The following ADGRB1 variants were observed in gnomAD, a reference collection of about 807,000 sequenced individuals.
ADGRB1 encodes the protein adhesion G protein-coupled receptor B1, also known as brain-specific angiogenesis inhibitor 1.
ADGRB1 carries 36 observed loss-of-function variants against 175.7 expected under a neutral mutation model. The ratio of observed to expected loss-of-function variants is 0.20; its 90% CI spans 0.16 to 0.27. The LOEUF (loss-of-function observed/expected upper bound fraction) is 0.27. Ranked by LOEUF, ADGRB1 falls within the 10% of genes least tolerant of loss-of-function variation. The pLI, the probability that ADGRB1 is intolerant of heterozygous loss-of-function variation, is 1.00. For missense variants in ADGRB1, 1,731 were observed against 2,255.3 expected, an observed-to-expected ratio of 0.77 and a Z score of 4.71; for synonymous variants, 1,054 against 979.4, an observed-to-expected ratio of 1.08 and a Z score of -1.42.
At position 142,510,232 on chromosome 8, in the gene ADGRB1, TC is replaced by T. The variant is rs1843011198; in HGVS notation, c.2676-699del. Among the ~76,000 whole-genome samples, 1 of 151,962 alleles carries T rather than the reference TC, an allele frequency of 6.6e-6. No homozygotes were observed. The highest frequency in any genetic ancestry group is 1.5e-5 in the Non-Finnish European group (1 of 67,968). On this transcript the variant is annotated intron_variant, in intron 17 of 30. Coordinates refer to ENST00000517894, the MANE Select transcript of ADGRB1 (RefSeq NM_001702.3). The surrounding 1 kb of genome is among the most constrained non-coding windows in gnomAD (Gnocchi z 6.3). ...CGTGCTCAGATGAAAAGCGGGGCAGTCGCGGCCCGTAGACAGCGGGCGGCTG... is the reference window on the plus strand; with the variant it reads ...CGTGCTCAGATGAAAAGCGGGGCAGTGCGGCCCGTAGACAGCGGGCGGCTG...
At chr8:142,469,597 G>A (rs376418313) in intron 2 of ADGRB1, among the ~76,000 whole-genome samples, 87 of 144,090 alleles carry the variant, frequency 6.0e-4, no homozygotes, top group African/African-American at 2.1e-3. Context: ...GAATGTGTGT[G>A]TGCACGTGCA....
At chr8:142,489,162 C>T in intron 15 of ADGRB1, 52 bp downstream of exon 15, 1 of 1,550,496 alleles carries the variant, frequency 6.4e-7, no homozygotes, top group Non-Finnish European at 8.7e-7. Context: ...GTGGGGTGGG[C>T]AGGACCCCAG....
At chr8:142,533,942 A>G (rs1462762141) in intron 25 of ADGRB1, among the ~76,000 whole-genome samples, 2 of 152,180 alleles carry the variant, frequency 1.3e-5, no homozygotes, top group African/African-American at 4.8e-5. Flanking sequence ...GGAATGTGGG[A>G]AAGCATGCAT....
At chr8:142,527,343 G>A (rs1844267319) in intron 24 of ADGRB1, among the ~76,000 whole-genome samples, 1 of 152,130 alleles carries the variant, frequency 6.6e-6, no homozygotes, top group South Asian at 2.1e-4. Flanking sequence ...TGTCTGCGTG[G>A]GCCCCTCCCC....
Position 142,505,987 on chromosome 8 carries a change from G to A in ADGRB1, c.2676-4945G>A, listed in dbSNP as rs562300010. Among the ~76,000 whole-genome samples the A allele has an allele frequency of 1.6e-3, 243 of 152,300 alleles. 1 individual carries two copies. Among genetic ancestry groups the A allele is most frequent in the African/African-American group, 5.6e-3 (231 of 41,566 alleles). ...GGCCGTGCCCTCCCCATTCATTCACGCGCAGGCGTCCTGGCTGTGCGCCCT... is the reference window on the plus strand; with the variant it reads ...GGCCGTGCCCTCCCCATTCATTCACACGCAGGCGTCCTGGCTGTGCGCCCT... On this transcript the variant is annotated intron_variant, in intron 17 of 30. Coordinates refer to ENST00000517894, the MANE Select transcript of ADGRB1 (RefSeq NM_001702.3).
chr8:142,537,092 A>G lies in ADGRB1; in HGVS notation c.3666+10A>G, dbSNP rs374674214. ...CCACGCCCAGCTCATGGTAGGACTC[A>G]GGGCCCGGGGACTCAGGCTGCCCTA... is the stretch of plus-strand genomic sequence containing the variant. On this transcript the variant is annotated intron_variant, in intron 26 of 30. Transcript: ENST00000517894. The surrounding 1 kb of genome is among the most constrained non-coding windows in gnomAD (Gnocchi z 4.6). The G allele has an allele frequency of 6.7e-7, 1 of 1,498,034 alleles. No homozygotes were observed. Among genetic ancestry groups the G allele is most frequent in the South Asian group, 1.3e-5 (1 of 74,536 alleles). 92.8% of individuals were successfully genotyped at this position (1,498,034 alleles called of 1,614,324 possible). A position where few individuals can be genotyped will look rare whatever the true frequency, so the allele number is the denominator to read the frequency against.
In ADGRB1 at chr8:142,481,606, C is replaced by T. The variant is rs367986539; in HGVS notation, c.2025C>T (p.Asp675=). The T allele has an allele frequency of 4.2e-5, 67 of 1,604,546 alleles. No individual in the cohort carries two copies. Among genetic ancestry groups the T allele is most frequent in the East Asian group, 2.5e-4 (11 of 44,566 alleles). Residue 675 remains aspartate (D), a synonymous_variant, in exon 11 of 31, where the codon GAC becomes GAT. Coordinates refer to ENST00000517894, the MANE Select transcript of ADGRB1 (RefSeq NM_001702.3). Reference sequence around the variant, plus strand: ...AGACACTGGTGGAGATCTCTCAGGACGGGACCAGCTACAGTGGGGACCTGC... The same window carrying T: ...AGACACTGGTGGAGATCTCTCAGGATGGGACCAGCTACAGTGGGGACCTGC... The part of the protein sequence containing the change: ...VIQTLVEISQ[D]GTSYSGDLLS...
At position 142,524,258 on chromosome 8, in the gene ADGRB1, G is replaced by C; in HGVS notation, c.3266G>C (p.Gly1089Ala). The C allele has an allele frequency of 6.2e-7, 1 of 1,600,676 alleles. No individual in the cohort carries two copies. Among genetic ancestry groups the C allele is most frequent in the South Asian group, 1.1e-5 (1 of 90,384 alleles). The change falls in exon 23 of 31, where the codon GGG becomes GCG. Residue 1089 changes from glycine to alanine, a missense_variant. Gly to Ala is a moderately conservative substitution (Grantham distance 60). Transcript: ENST00000517894. ...TMNYCWLSLE[G>A]GLLYAFVGPA... The stretch of plus-strand genomic sequence containing the variant: ...CCCAGCTGCTGGCTCTCCCTGGAGG[G>C]GGGACTGCTCTATGCCTTCGTGGGA...
chr8:142,514,021 G>A (rs1021795088), intron 18 of ADGRB1, among the ~76,000 whole-genome samples: 5 of 151,932 alleles, frequency 3.3e-5, no homozygotes, highest in South Asian at 2.1e-4. Flanking sequence ...AGTGAGGAGC[G>A]TGAGCCCAGC....
Position 142,479,474 on chromosome 8 carries a change from C to T in ADGRB1, c.1713C>T (p.Thr571=). 1.3e-6 allele frequency: 2 copies of T among 1,549,564 alleles called. No homozygotes were observed. The highest frequency in any genetic ancestry group is 1.7e-6 in the Non-Finnish European group (2 of 1,154,414). Residue 571 remains threonine (T), a synonymous_variant, in exon 8 of 31, where the codon ACC becomes ACT. Transcript: ENST00000517894. ...AGGATGAGTACCGGCAGTGCGGCAC[C>T]CAGCGGTGTCCCGGTGAGGCCCCTC... The part of the protein sequence containing the change: ...GPQDEYRQCG[T]QRCPEPHEIC...
intron 18 of ADGRB1, among the ~76,000 whole-genome samples, chr8:142,515,262 C>T (rs964131488): frequency 1.3e-5 from 2 of 152,206 alleles, no homozygotes; most frequent in African/African-American, 4.8e-5. Flanking sequence ...AGCCAGTCTC[C>T]GGCAGGGGCC....
Position 142,481,535 on chromosome 8 carries a change from A to G in ADGRB1, c.1954A>G (p.Lys652Glu), listed in dbSNP as rs2131825919. Residue 652 changes from lysine to glutamate, a missense_variant, in exon 11 of 31, where the codon AAG becomes GAG. By Grantham distance (56) the Lys-to-Glu change is moderately conservative (BLOSUM62 1). This residue lies in a region of ADGRB1 where 388 missense variants were observed against 630.9 expected (regional missense o/e 0.61). Transcript: ENST00000517894. ...IQMMTREHLA[K>E]AQRGLPGEGV... Reference sequence around the variant, plus strand: ...TCCGCAGACCCGGGAGCACCTGGCCAAGGCTCAGCGAGGGCTGCCTGGGGA... The same window carrying G: ...TCCGCAGACCCGGGAGCACCTGGCCGAGGCTCAGCGAGGGCTGCCTGGGGA... 1 of 1,587,818 alleles carries G rather than the reference A, an allele frequency of 6.3e-7. No homozygotes were observed. Among genetic ancestry groups the G allele is most frequent in the East Asian group, 2.3e-5 (1 of 43,954 alleles).
At chr8:142,525,730 G>A (rs1055792350) in intron 23 of ADGRB1, among the ~76,000 whole-genome samples, 3 of 152,296 alleles carry the variant, frequency 2.0e-5, no homozygotes, top group African/African-American at 7.2e-5. Flanking sequence ...AGGGGTCCAT[G>A]GAGTCCTGGG....
At chr8:142,496,186 T>C (rs927194722) in intron 17 of ADGRB1, among the ~76,000 whole-genome samples, 8 of 149,680 alleles carry the variant, frequency 5.3e-5, no homozygotes, top group East Asian at 2.0e-4. Context: ...ACTGAATGTG[T>C]GGATGGAGGT....
Position 142,493,367 on chromosome 8 carries a change from AG to A in ADGRB1, c.2675+2554del. Among the ~76,000 whole-genome samples, 1 of 152,194 alleles carries A rather than the reference AG, an allele frequency of 6.6e-6. No individual in the cohort carries two copies. The highest frequency in any genetic ancestry group is 2.0e-4 in the East Asian group (1 of 5,124). On this transcript the variant is annotated intron_variant, in intron 17 of 30. Transcript: ENST00000517894. The surrounding 1 kb of genome is among the most constrained non-coding windows in gnomAD (Gnocchi z 5.0). ...GCTTTTAGGCAGGGGCGGGGGCAGC[AG>A]GACGGCGGTCAAGTCCCCAGGGTGT...
At chr8:142,519,358 T>A (rs1430224166) in intron 19 of ADGRB1, among the ~76,000 whole-genome samples, 2 of 152,120 alleles carry the variant, frequency 1.3e-5, no homozygotes, top group African/African-American at 2.4e-5. Context: ...AGAGAGAACG[T>A]GACCTGCCCA....
At chr8:142,524,586 G>A (rs576158729) in intron 23 of ADGRB1, among the ~76,000 whole-genome samples, 47 of 152,314 alleles carry the variant, frequency 3.1e-4, no homozygotes, top group African/African-American at 1.0e-3. Flanking sequence ...GGAGATCCCC[G>A]CGGGTGTGGT....
chr8:142,469,135 G>A (rs1251056795), intron 2 of ADGRB1, among the ~76,000 whole-genome samples: 1 of 140,538 alleles, frequency 7.1e-6, no homozygotes, highest in Non-Finnish European at 1.5e-5. Context: ...CTGTGCGTGT[G>A]TGCATGTGTG....
chr8:142,486,866 A>T (rs1251151400), intron 13 of ADGRB1, among the ~76,000 whole-genome samples: 9 of 152,050 alleles, frequency 5.9e-5, no homozygotes, highest in South Asian at 2.1e-4. Context: ...AAATGTTTTT[A>T]AAAAAATTAG....
Sources: allele counts gnomAD v4.1 joint callset (sites outside exome capture counted in the v4.1 genomes callset), GRCh38; gene constraint gnomAD v4.1.1; regional missense constraint gnomAD v4.1.1; non-coding constraint Gnocchi (gnomAD v3.1); transcripts MANE v1.5; gene names NCBI Gene and HGNC (gene_info 2026-07-23, HGNC 2026-07-21).